The following ZC3H18 variants were observed in gnomAD, a reference collection of about 807,000 sequenced individuals.
The protein encoded by ZC3H18 is zinc finger CCCH-type containing 18, also known as zinc finger CCCH domain-containing protein 18.
In ZC3H18, 8 loss-of-function variants were observed where a neutral mutation model predicts 106.1. That is an observed-to-expected ratio of 0.08 (90% CI 0.04 to 0.14). The LOEUF is 0.14. ZC3H18 is among the 10% of genes least tolerant of loss of function. ZC3H18 has a pLI of 1.00. For synonymous variants in ZC3H18, 635 were observed against 522.1 expected (o/e 1.22, Z -2.95); for missense variants, 1,318 against 1,278.4 (o/e 1.03, Z -0.47).
intron 3 of ZC3H18, 82 bp from the exon 4 acceptor site, chr16:88,598,096 C>CCCCG: frequency 2.9e-6 from 1 of 342,692 alleles, no homozygotes; most frequent in Non-Finnish European, 5.5e-6. Context: ...GCCTCTGCCC[C>CCCCG]CTCCCACCCC....
At chr16:88,584,863 G>A (rs576262383) in intron 2 of ZC3H18, among the ~76,000 whole-genome samples, 2 of 152,196 alleles carry the variant, frequency 1.3e-5, no homozygotes, top group Non-Finnish European at 2.9e-5. Context: ...CCTGATGCGG[G>A]AAAAACCCTT....
In ZC3H18 at chr16:88,574,157, G is replaced by A. The variant is rs546269696; in HGVS notation, c.-14-2953G>A. Among the ~76,000 whole-genome samples the A allele has an allele frequency of 3.5e-3, 525 of 152,162 alleles. 7 individuals are homozygous for A. The highest frequency in any genetic ancestry group is 0.012 in the African/African-American group (505 of 41,560). ...TCCAAAGTGCTGGGATTACAGGCGT[G>A]AGCCACCACCCTTGGCCCATTTAGT... is the stretch of plus-strand genomic sequence containing the variant. On this transcript the variant is annotated intron_variant, in intron 1 of 17. Coordinates refer to ENST00000301011, the MANE Select transcript of ZC3H18 (RefSeq NM_144604.4).
chr16:88,616,057 A>G (rs1470578919), intron 8 of ZC3H18, among the ~76,000 whole-genome samples: 1 of 152,156 alleles, frequency 6.6e-6, no homozygotes, highest in East Asian at 1.9e-4. Context: ...GACGGATCCC[A>G]GGAGGCTTGG....
chr16:88,628,344 G>A (rs1207708112), intron 15 of ZC3H18, among the ~76,000 whole-genome samples: 1 of 152,132 alleles, frequency 6.6e-6, no homozygotes, highest in African/African-American at 2.4e-5. Flanking sequence ...TCTCTGAACA[G>A]AGAGGGCGTT....
intron 10 of ZC3H18, 167 bp downstream of exon 10, chr16:88,623,511 A>G (rs1455217508): frequency 1.1e-6 from 1 of 894,382 alleles, no homozygotes; most frequent in Non-Finnish European, 1.6e-6. Context: ...CCCACCAAAC[A>G]CCAGCCTTGC....
intron 6 of ZC3H18, among the ~76,000 whole-genome samples, chr16:88,604,800 C>T (rs777309439): frequency 2.0e-5 from 3 of 152,308 alleles, no homozygotes; most frequent in South Asian, 2.1e-4. Context: ...GCCTCTAGTG[C>T]GCACAGGACG....
intron 8 of ZC3H18, among the ~76,000 whole-genome samples, chr16:88,616,468 G>A (rs868175118): frequency 6.6e-6 from 1 of 152,190 alleles, no homozygotes; most frequent in African/African-American, 2.4e-5. Context: ...GCCGGCTTCC[G>A]GGTGCTGGGG....
At chr16:88,584,565 C>A (rs1054568309) in intron 2 of ZC3H18, among the ~76,000 whole-genome samples, 3 of 152,140 alleles carry the variant, frequency 2.0e-5, no homozygotes, top group African/African-American at 7.2e-5. Flanking sequence ...CTGAAAGGGG[C>A]CATAAGCCCA....
intron 2 of ZC3H18, among the ~76,000 whole-genome samples, chr16:88,585,277 A>T (rs1234040727): frequency 1.3e-5 from 2 of 152,262 alleles, no homozygotes; most frequent in Non-Finnish European, 2.9e-5. Flanking sequence ...CTTTGAGGCA[A>T]AAAATGATGC....
At chr16:88,625,105 C>G in intron 12 of ZC3H18, 97 bp from the exon 13 acceptor site, 2 of 1,415,826 alleles carry the variant, frequency 1.4e-6, no homozygotes, top group Non-Finnish European at 1.9e-6. Context: ...CAAGGCCAGT[C>G]TGGAGGCTCA....
At chr16:88,620,245 G>C (rs1567596701) in intron 8 of ZC3H18, among the ~76,000 whole-genome samples, 1 of 152,238 alleles carries the variant, frequency 6.6e-6, no homozygotes, top group Non-Finnish European at 1.5e-5. Context: ...GCAAGACGTA[G>C]GGCAGAGAAT....
At position 88,611,316 on chromosome 16, in the gene ZC3H18, C is replaced by A; in HGVS notation, c.1255C>A (p.Arg419=). Residue 419 remains arginine, a synonymous_variant, in exon 8 of 18, where the codon CGG becomes AGG. Coordinates refer to ENST00000301011, the MANE Select transcript of ZC3H18 (RefSeq NM_144604.4). ...AGAGAACAGACAGCGCGAGCGCGAG[C>A]GGGAGCGGGAGCGGGACCGAGAGCG... The part of the protein sequence containing the change: ...ERENRQRERE[R]ERERDRERER... 2 of 619,232 alleles carry A rather than the reference C, an allele frequency of 3.2e-6. No homozygotes were observed. The highest frequency in any genetic ancestry group is 7.0e-5 in the East Asian group (2 of 28,688). The allele number at this position is 619,232 out of a possible 1,614,324, so 38.4% of individuals were successfully genotyped here.
At chr16:88,610,372 G>A (rs559866152) in intron 7 of ZC3H18, among the ~76,000 whole-genome samples, 4 of 152,284 alleles carry the variant, frequency 2.6e-5, no homozygotes, top group African/African-American at 9.6e-5. Flanking sequence ...GGGCCCCATC[G>A]TGCCAGAAAA....
At position 88,592,914 on chromosome 16, in the gene ZC3H18, A is replaced by T. The variant is rs746076259; in HGVS notation, c.689-5264A>T. 3.3e-5 allele frequency among the ~76,000 whole-genome samples: 5 copies of T among 152,216 alleles called. No homozygotes were observed. In the East Asian group the frequency reaches 7.7e-4, roughly 23 times the overall value. ...TTTTTATTATTCGTAAGTTCTTTTTAAAAAACTTTATTAAAGTAATATTTA... is the reference window on the plus strand; with the variant it reads ...TTTTTATTATTCGTAAGTTCTTTTTTAAAAACTTTATTAAAGTAATATTTA... On this transcript the variant is annotated intron_variant, in intron 3 of 17. Coordinates refer to ENST00000301011, the MANE Select transcript of ZC3H18 (RefSeq NM_144604.4).
rs530739551 is a variant in ZC3H18 at position 88,601,921 on chromosome 16, G to T, written c.1088+1973G>T. On this transcript the variant is annotated intron_variant, in intron 6 of 17. Transcript: ENST00000301011. Reference sequence around the variant, plus strand: ...CAGTGGAAAGAACTGTCAGGGTTCTGCCAGGAGGGTGGAGACCCCCCTATG... The same window carrying T: ...CAGTGGAAAGAACTGTCAGGGTTCTTCCAGGAGGGTGGAGACCCCCCTATG... 2.0e-5 allele frequency among the ~76,000 whole-genome samples: 3 copies of T among 152,248 alleles called. No homozygotes were observed. In the East Asian group the frequency reaches 5.8e-4, roughly 29 times the overall value.
intron 1 of ZC3H18, among the ~76,000 whole-genome samples, chr16:88,574,348 A>G (rs1439583592): frequency 2.0e-5 from 3 of 151,350 alleles, no homozygotes; most frequent in Non-Finnish European, 4.4e-5. Context: ...TAGCTTGGAT[A>G]ACAGGCACCT....
At chr16:88,626,226 A>G (rs1906301837) in intron 13 of ZC3H18, 1 of 152,174 alleles carries the variant, frequency 6.6e-6, no homozygotes, top group South Asian at 2.1e-4. Flanking sequence ...TGCTGGGATT[A>G]CAGGTGTGAG....
At chr16:88,598,846 T>C (rs765266364) in intron 5 of ZC3H18, 134 bp downstream of exon 5, 11 of 724,070 alleles carry the variant, frequency 1.5e-5, no homozygotes, top group Non-Finnish European at 2.3e-5. Context: ...CTGTGGTGTC[T>C]TTCTTTATTT....
chr16:88,594,131 G>A (rs997696737), intron 3 of ZC3H18, among the ~76,000 whole-genome samples: 2 of 152,070 alleles, frequency 1.3e-5, no homozygotes, highest in Non-Finnish European at 2.9e-5. Context: ...GAGCCACAGC[G>A]GCCCTTCATG....
Sources: gnomAD v4.1 joint callset for allele counts (sites outside exome capture counted in the v4.1 genomes callset) on GRCh38, gnomAD v4.1.1 for gene constraint, MANE v1.5 for transcripts, NCBI Gene and HGNC (gene_info 2026-07-23, HGNC 2026-07-21) for gene names.